Variants in CERS6 observed in about 807,000 individuals in gnomAD.
CERS6 encodes the protein ceramide synthase 6, also known as LAG1 homolog, ceramide synthase 6.
In CERS6, 26 loss-of-function variants were observed where a neutral mutation model predicts 56.8. The ratio of observed to expected loss-of-function variants is 0.46; its 90% CI spans 0.34 to 0.63. CERS6 has a LOEUF of 0.63. Among genes scored for constraint, CERS6 ranks in the 30% least tolerant of loss-of-function variants. The pLI is 0.01. For missense variants in CERS6, 415 were observed against 467.5 expected (o/e 0.89, Z 1.04); for synonymous variants, 164 against 173.3 (o/e 0.95, Z 0.42).
intron 4 of CERS6, among the ~76,000 whole-genome samples, chr2:168,648,713 G>T (rs752903593): frequency 1.3e-5 from 2 of 152,094 alleles, no homozygotes; most frequent in Non-Finnish European, 2.9e-5. Flanking sequence ...AGAGATTCTG[G>T]TATGTTTTAT....
chr2:168,556,618 T>C (rs889152089), intron 2 of CERS6, among the ~76,000 whole-genome samples: 3 of 152,154 alleles, frequency 2.0e-5, no homozygotes, highest in African/African-American at 7.2e-5. Flanking sequence ...TTGTGAAGAA[T>C]TATTCATACT....
At chr2:168,494,346 C>T (rs1056050234) in intron 1 of CERS6, among the ~76,000 whole-genome samples, 6 of 152,070 alleles carry the variant, frequency 3.9e-5, no homozygotes, top group African/African-American at 9.7e-5. Flanking sequence ...CCTCAGCTTC[C>T]GTGTTTATTA....
intron 6 of CERS6, among the ~76,000 whole-genome samples, chr2:168,707,644 A>T (rs2105379892): frequency 6.6e-6 from 1 of 152,282 alleles, no homozygotes; most frequent in South Asian, 2.1e-4. Flanking sequence ...AAACCAAATA[A>T]TTCGTGGGAG....
At chr2:168,538,242 A>AC (rs1491229616) in intron 1 of CERS6, among the ~76,000 whole-genome samples, 1 of 82,354 alleles carries the variant, frequency 1.2e-5, no homozygotes, top group East Asian at 3.7e-4. Context: ...TGTAAAAACC[A>AC]AAAAAAAAAA....
intron 4 of CERS6, among the ~76,000 whole-genome samples, chr2:168,685,934 G>A (rs1220603921): frequency 6.6e-5 from 10 of 151,370 alleles, no homozygotes; most frequent in Non-Finnish European, 1.3e-4. Flanking sequence ...ACTGTGATAT[G>A]GCCTGTCTTA....
chr2:168,562,240 G>A (rs1695803818), intron 3 of CERS6, among the ~76,000 whole-genome samples: 1 of 152,128 alleles, frequency 6.6e-6, no homozygotes, highest in African/African-American at 2.4e-5. Context: ...TGTGAAAAAA[G>A]TGTTTCAGTG....
chr2:168,657,811 C>G (rs573604174), intron 4 of CERS6, among the ~76,000 whole-genome samples: 5 of 152,322 alleles, frequency 3.3e-5, no homozygotes, highest in Admixed American at 1.3e-4. Flanking sequence ...GGTTCCCGCT[C>G]GTGCCTCTCC....
At chr2:168,520,106 T>C (rs1694950712) in intron 1 of CERS6, among the ~76,000 whole-genome samples, 1 of 152,216 alleles carries the variant, frequency 6.6e-6, no homozygotes, top group African/African-American at 2.4e-5. Flanking sequence ...GTTTTTGATT[T>C]TTTAATAATA....
intron 1 of CERS6, among the ~76,000 whole-genome samples, chr2:168,477,088 C>T (rs1468345984): frequency 1.3e-5 from 2 of 151,542 alleles, no homozygotes; most frequent in Non-Finnish European, 2.9e-5. Flanking sequence ...TGGTGAGGCA[C>T]CTCTTCCTGG....
In CERS6 at chr2:168,567,135, G is replaced by T. The variant is rs577014057; in HGVS notation, c.407+5813G>T. On this transcript the variant is annotated intron_variant, in intron 3 of 9. Transcript: ENST00000305747. ...GTCTCTAGTTCTTGAAAAGTACAGG[G>T]TTGAGCTGTTTTGTTTCTGTTGTGG... 1.9e-4 allele frequency among the ~76,000 whole-genome samples: 29 copies of T among 152,234 alleles called. No homozygotes were observed. The East Asian group carries it at 4.4e-3, about 23-fold the overall frequency.
intron 3 of CERS6, among the ~76,000 whole-genome samples, chr2:168,605,176 T>C (rs373256159): frequency 6.6e-6 from 1 of 152,208 alleles, no homozygotes; most frequent in Admixed American, 6.5e-5. Flanking sequence ...GAGGAACTTA[T>C]TGGGAACTGG....
At chr2:168,491,245 A>G (rs1694366801) in intron 1 of CERS6, among the ~76,000 whole-genome samples, 1 of 152,258 alleles carries the variant, frequency 6.6e-6, no homozygotes, top group Non-Finnish European at 1.5e-5. Context: ...AAAGAGGATT[A>G]GGTTAAAAAT....
At chr2:168,698,263 A>G (rs1287987871) in intron 6 of CERS6, among the ~76,000 whole-genome samples, 3 of 140,748 alleles carry the variant, frequency 2.1e-5, no homozygotes, top group African/African-American at 7.5e-5. Flanking sequence ...AAGAAAAAAA[A>G]AAAAAAAAAA....
intron 1 of CERS6, among the ~76,000 whole-genome samples, chr2:168,468,971 A>C (rs1693931106): frequency 6.6e-6 from 1 of 152,224 alleles, no homozygotes; most frequent in South Asian, 2.1e-4. Context: ...TCCCAGAAAT[A>C]GGACAGCCTC....
intron 4 of CERS6, among the ~76,000 whole-genome samples, chr2:168,675,938 G>A (rs764324004): frequency 2.0e-5 from 3 of 151,974 alleles, no homozygotes; most frequent in African/African-American, 7.2e-5. Context: ...GCCCACCTCG[G>A]CCTCCCAAAG....
chr2:168,654,924 T>G lies in CERS6; in HGVS notation c.465+23882T>G, dbSNP rs1196864965. On this transcript the variant is annotated intron_variant, in intron 4 of 9. Coordinates refer to ENST00000305747, the MANE Select transcript of CERS6 (RefSeq NM_203463.3). ...AGGTCTCTTCTTTATACATCTCATG[T>G]ACAACCAGGACTTTAACCTAAGCCT... is the stretch of plus-strand genomic sequence containing the variant. Among the ~76,000 whole-genome samples the G allele has an allele frequency of 2.0e-5, 3 of 152,216 alleles. No homozygotes were observed. The South Asian group carries it at 6.2e-4, about 31-fold the overall frequency.
At chr2:168,754,041 A>G (rs1684353111) in intron 8 of CERS6, among the ~76,000 whole-genome samples, 2 of 152,290 alleles carry the variant, frequency 1.3e-5, no homozygotes, top group Non-Finnish European at 2.9e-5. Context: ...GTGTCAGGAC[A>G]GGGACCCCTA....
chr2:168,610,577 A>T (rs561371075), intron 3 of CERS6, among the ~76,000 whole-genome samples: 48 of 152,310 alleles, frequency 3.2e-4, no homozygotes, highest in African/African-American at 1.1e-3. Context: ...TTAGATTATT[A>T]TTTAATAATT....
intron 6 of CERS6, among the ~76,000 whole-genome samples, chr2:168,701,777 G>A (rs980482931): frequency 2.0e-5 from 3 of 151,880 alleles, no homozygotes; most frequent in South Asian, 2.1e-4. Flanking sequence ...AGTCTGAGGC[G>A]GGCAGATTGC....
Sources: gnomAD v4.1 joint callset for allele counts (sites outside exome capture counted in the v4.1 genomes callset) on GRCh38, gnomAD v4.1.1 for gene constraint, MANE v1.5 for transcripts, NCBI Gene and HGNC (gene_info 2026-07-23, HGNC 2026-07-21) for gene names.